The following VAV1 variants were observed in gnomAD, a reference collection of about 807,000 sequenced individuals.
VAV1 encodes the protein proto-oncogene vav.
A neutral mutation model predicts 128.1 loss-of-function variants in VAV1; 33 were observed. That is an observed-to-expected ratio of 0.26 (90% CI 0.20 to 0.34). The LOEUF (loss-of-function observed/expected upper bound fraction) is 0.34, where lower values mean the gene tolerates loss of function less well. Ranked by LOEUF, VAV1 falls within the 10% of genes least tolerant of loss-of-function variation. The probability of loss-of-function intolerance (pLI) is 1.00; values close to 1 mark genes in which losing one functional copy is unlikely to be tolerated. For missense variants in VAV1, 715 were observed against 1,093.7 expected, an observed-to-expected ratio of 0.65 and a Z score of 4.88; for synonymous variants, 394 against 409.8, an observed-to-expected ratio of 0.96 and a Z score of 0.47.
In VAV1 at chr19:6,852,951, G is replaced by C. The variant is rs768408061; in HGVS notation, c.2218-14G>C. ...CCCGCTGGGATAGCATCTGCCATGT[G>C]GTCCGCCTTCTAGGAGCTGGTGGAG... On this transcript the variant is annotated splice_polypyrimidine_tract_variant and intron_variant, in intron 24 of 26. Transcript: ENST00000602142. The C allele has an allele frequency of 6.2e-7, 1 of 1,603,708 alleles. No homozygotes were observed. Among genetic ancestry groups the C allele is most frequent in the Non-Finnish European group, 8.5e-7 (1 of 1,173,100 alleles).
At chr19:6,824,335 A>T (rs143026875) in intron 6 of VAV1, among the ~76,000 whole-genome samples, 254 of 152,078 alleles carry the variant, frequency 1.7e-3, no homozygotes, top group African/African-American at 5.6e-3. Flanking sequence ...CATGGCAACC[A>T]CGAGCTTACT....
At chr19:6,773,791 G>A (rs1970555565) in intron 1 of VAV1, among the ~76,000 whole-genome samples, 1 of 152,170 alleles carries the variant, frequency 6.6e-6, no homozygotes, top group South Asian at 2.1e-4. Flanking sequence ...ATGTGGTTGG[G>A]TGGGCGTGTG....
rs533515059 is a variant in VAV1, at chr19:6,783,244, T to G, written c.204+10233T>G. ...AAACACAAAACCAAATTACATGACTTCAGTGATAGTGAGACTTTACTTCTT... is the reference window on the plus strand; with the variant it reads ...AAACACAAAACCAAATTACATGACTGCAGTGATAGTGAGACTTTACTTCTT... On this transcript the variant is annotated intron_variant, in intron 1 of 26. Coordinates refer to ENST00000602142, the MANE Select transcript of VAV1 (RefSeq NM_005428.4). Among the ~76,000 whole-genome samples the G allele has an allele frequency of 5.3e-5, 8 of 152,278 alleles. No homozygotes were observed. The South Asian group carries it at 1.7e-3, about 32-fold the overall frequency.
At chr19:6,817,597 A>G (rs572221422) in intron 1 of VAV1, among the ~76,000 whole-genome samples, 7 of 152,288 alleles carry the variant, frequency 4.6e-5, no homozygotes, top group East Asian at 1.9e-4. Flanking sequence ...TGGGTGAGAT[A>G]AACAATAAAC....
chr19:6,799,586 A>G (rs1200017252), intron 1 of VAV1, among the ~76,000 whole-genome samples: 1 of 152,034 alleles, frequency 6.6e-6, no homozygotes, highest in Non-Finnish European at 1.5e-5. Flanking sequence ...ATTTCTCCGA[A>G]TGCTATCCCT....
At chr19:6,814,681 T>TTTCTTTCTCTCTTTCTTTCTTTCA (rs1568299264) in intron 1 of VAV1, among the ~76,000 whole-genome samples, 3 of 110,804 alleles carry the variant, frequency 2.7e-5, no homozygotes, top group Admixed American at 9.8e-5. Flanking sequence ...CCTTTCTTTC[T>TTTCTTTCTCTCTTTCTTTCTTTCA]TTCTTTCTTT....
At chr19:6,823,523 A>AT (rs1404111341) in intron 6 of VAV1, among the ~76,000 whole-genome samples, 2 of 151,696 alleles carry the variant, frequency 1.3e-5, no homozygotes, top group Non-Finnish European at 2.9e-5. Flanking sequence ...TTTTATATAT[A>AT]TTTTTTGTTA....
In VAV1 at chr19:6,803,863, C is replaced by A. The variant is rs192605239; in HGVS notation, c.205-16839C>A. ...TACAGGTGTGAGCCACTGCTCCCAG[C>A]GCAGACAATGGAATATTATTCAGCA... On this transcript the variant is annotated intron_variant, in intron 1 of 26. Transcript: ENST00000602142. Among the ~76,000 whole-genome samples, 4 of 152,054 alleles carry A rather than the reference C, an allele frequency of 2.6e-5. No individual in the cohort carries two copies. In the East Asian group the frequency reaches 5.8e-4, roughly 22 times the overall value.
chr19:6,811,935 T>C (rs1212934699), intron 1 of VAV1, among the ~76,000 whole-genome samples: 1 of 152,186 alleles, frequency 6.6e-6, no homozygotes, highest in Non-Finnish European at 1.5e-5. Flanking sequence ...CTACTTTCAT[T>C]TGCAGTTTTG....
chr19:6,854,422 T>A (rs1352718656), intron 26 of VAV1, among the ~76,000 whole-genome samples: 3 of 151,970 alleles, frequency 2.0e-5, no homozygotes, highest in Non-Finnish European at 2.9e-5. Flanking sequence ...TGGTCAAGAC[T>A]AACAAGGGTG....
chr19:6,795,592 A>G (rs1035704625), intron 1 of VAV1, among the ~76,000 whole-genome samples: 11 of 152,252 alleles, frequency 7.2e-5, no homozygotes, highest in South Asian at 4.1e-4. Context: ...GATGATACGT[A>G]ACGGTTTACT....
At chr19:6,783,470 CTTTTTTTTTTT>C (rs61101390) in intron 1 of VAV1, among the ~76,000 whole-genome samples, 1 of 113,832 alleles carries the variant, frequency 8.8e-6, no homozygotes, top group East Asian at 2.6e-4. Context: ...CACCTCCATC[CTTTTTTTTTTT>C]TTTTTTTTTT....
intron 19 of VAV1, among the ~76,000 whole-genome samples, chr19:6,834,384 T>C (rs308198): frequency 0.85 from 128,439 of 150,734 alleles, 55,010 homozygotes; most frequent in Non-Finnish European, 0.9. Flanking sequence ...GCTGGGATTA[T>C]AGGCACATGT....
intron 1 of VAV1, among the ~76,000 whole-genome samples, chr19:6,781,383 C>T (rs543866232): frequency 7.2e-5 from 11 of 152,220 alleles, no homozygotes; most frequent in South Asian, 6.2e-4. Context: ...GCCGCCTCCC[C>T]GACAGACGGT....
intron 22 of VAV1, among the ~76,000 whole-genome samples, chr19:6,847,159 A>G (rs1972543782): frequency 6.6e-6 from 1 of 151,954 alleles, no homozygotes; most frequent in Admixed American, 6.6e-5. Flanking sequence ...TGATTCGCCC[A>G]CCTCGGCCTC....
intron 9 of VAV1, among the ~76,000 whole-genome samples, chr19:6,827,588 T>TTTTG (rs146513546): frequency 0.015 from 2,348 of 152,012 alleles, 77 homozygotes; most frequent in African/African-American, 0.054. Context: ...CCCATTGCTT[T>TTTTG]TTTGTTTGTT....
At chr19:6,813,606 C>G (rs73484417) in intron 1 of VAV1, among the ~76,000 whole-genome samples, 18,256 of 152,078 alleles carry the variant, frequency 0.12, 1,319 homozygotes, top group African/African-American at 0.19. Context: ...TTTATTTTCC[C>G]TCTGTAGGAG....
At chr19:6,773,158 G>A in intron 1 of VAV1, 147 bp downstream of exon 1, 1 of 1,116,792 alleles carries the variant, frequency 9.0e-7, no homozygotes. Context: ...CCCAGGGGGT[G>A]GTCACAATCT....
At chr19:6,829,961 G>A (rs754213569) in intron 14 of VAV1, 43 bp downstream of exon 14, 11 of 1,612,696 alleles carry the variant, frequency 6.8e-6, no homozygotes, top group African/African-American at 1.3e-5. Flanking sequence ...CCACGCAGTC[G>A]GCAGCTTAGC....
Sources: gnomAD v4.1 joint callset for allele counts (sites outside exome capture counted in the v4.1 genomes callset) on GRCh38, gnomAD v4.1.1 for gene constraint, MANE v1.5 for transcripts, NCBI Gene and HGNC (gene_info 2026-07-23, HGNC 2026-07-21) for gene names.